Variants in GNG4 observed in about 807,000 individuals in gnomAD.
GNG4 encodes the protein G protein subunit gamma 4.
Under a neutral mutation model 5.8 loss-of-function variants are expected in GNG4, and 4 were observed. That is an observed-to-expected ratio of 0.69 (90% CI 0.34 to 1.57). GNG4 has a LOEUF of 1.57. Ranked by LOEUF, GNG4 falls within the 40% of genes most tolerant of loss-of-function variation. The pLI, the probability that GNG4 is intolerant of heterozygous loss-of-function variation, is 0.06. For synonymous variants in GNG4, 29 were observed against 32.9 expected, an observed-to-expected ratio of 0.88 and a Z score of 0.41; for missense variants, 96 against 95.1, an observed-to-expected ratio of 1.01 and a Z score of -0.04.
intron 3 of GNG4, among the ~76,000 whole-genome samples, chr1:235,563,710 TTCTG>T (rs1352829000): frequency 6.6e-6 from 1 of 152,222 alleles, no homozygotes; most frequent in Non-Finnish European, 1.5e-5. Context: ...GTGACTTTGT[TTCTG>T]TCTATCTGAC....
chr1:235,620,090 G>A (rs554961387), intron 1 of GNG4, among the ~76,000 whole-genome samples: 15 of 152,216 alleles, frequency 9.9e-5, no homozygotes, highest in African/African-American at 2.7e-4. Context: ...GAGGTTGGGC[G>A]TGGTGGCTCA....
rs1418367480 is a variant in GNG4, at chr1:235,644,782, G to A, written c.-123+4880C>T. 6.6e-6 allele frequency among the ~76,000 whole-genome samples: 1 copy of A among 152,246 alleles called. No individual in the cohort carries two copies. Among genetic ancestry groups the A allele is most frequent in the Non-Finnish European group, 1.5e-5 (1 of 68,032 alleles). On this transcript the variant is annotated intron_variant, in intron 1 of 3. Transcript: ENST00000391854. This position sits in a 1 kb window ranked among gnomAD's most constrained non-coding sequence, Gnocchi z 5.9. ...TGCTGGAAATTTCCATCCAGGGTCTGTGCAGGGCGGGTACCCCAGAGCCGC... is the reference window on the plus strand; with the variant it reads ...TGCTGGAAATTTCCATCCAGGGTCTATGCAGGGCGGGTACCCCAGAGCCGC...
chr1:235,587,992 C>T (rs1687865620), intron 2 of GNG4, among the ~76,000 whole-genome samples: 1 of 151,672 alleles, frequency 6.6e-6, no homozygotes, highest in Admixed American at 6.6e-5. Flanking sequence ...GCTAACGTTA[C>T]CGGGGAAAGC....
At chr1:235,605,102 C>T (rs1688331461) in intron 1 of GNG4, among the ~76,000 whole-genome samples, 1 of 152,064 alleles carries the variant, frequency 6.6e-6, no homozygotes, top group Non-Finnish European at 1.5e-5. Context: ...AGGTGAGAAC[C>T]CCATATCATT....
chr1:235,623,371 C>T (rs974906388), intron 1 of GNG4, among the ~76,000 whole-genome samples: 1 of 152,186 alleles, frequency 6.6e-6, no homozygotes, highest in African/African-American at 2.4e-5. Flanking sequence ...CTCTTGGGCC[C>T]ACTCAGGTCA....
In GNG4 at chr1:235,550,260, C is replaced by T. The variant is rs1686705863; in HGVS notation, c.*1849G>A. The T allele has an allele frequency of 1.3e-5, 2 of 152,312 alleles. No individual in the cohort carries two copies. Among genetic ancestry groups the T allele is most frequent in the South Asian group, 2.1e-4 (1 of 4,826 alleles). 9.4% of individuals were successfully genotyped at this position (152,312 alleles called of 1,614,324 possible). ...TTAAACTACCAGAATACGGCTTCCTCCTGGAGAATGTGGGAAGTGAAGTGT... is the reference window on the plus strand; with the variant it reads ...TTAAACTACCAGAATACGGCTTCCTTCTGGAGAATGTGGGAAGTGAAGTGT... On this transcript the variant is annotated 3_prime_UTR_variant, in exon 4 of 4. Transcript: ENST00000391854.
intron 1 of GNG4, among the ~76,000 whole-genome samples, chr1:235,634,934 C>CA (rs1689004157): frequency 7.4e-6 from 1 of 135,990 alleles, no homozygotes; most frequent in South Asian, 2.3e-4. Flanking sequence ...AACTCTGTCT[C>CA]AAAAAACAAA....
At chr1:235,554,189 CG>C (rs753348232) in intron 3 of GNG4, among the ~76,000 whole-genome samples, 196 of 152,266 alleles carry the variant, frequency 1.3e-3, no homozygotes, top group South Asian at 2.3e-3. Context: ...AACTCAAAGC[CG>C]GTGGACTTGG....
chr1:235,627,109 G>C (rs1329040741), intron 1 of GNG4, among the ~76,000 whole-genome samples: 1 of 151,828 alleles, frequency 6.6e-6, no homozygotes, highest in Non-Finnish European at 1.5e-5. Context: ...GGGAGGCTCT[G>C]TCACTTGGCA....
At chr1:235,606,582 G>A (rs1370723710) in intron 1 of GNG4, among the ~76,000 whole-genome samples, 2 of 152,106 alleles carry the variant, frequency 1.3e-5, no homozygotes, top group East Asian at 1.9e-4. Context: ...TGTTCCGCAC[G>A]CTTAGGAAAA....
chr1:235,638,419 C>T lies in GNG4; in HGVS notation c.-123+11243G>A, dbSNP rs556918147. ...GTGGGTGGAAGCTCTGGGGAGAGTTCGTATTTCTGCCTTTTCCAGTGTCTA... is the reference window on the plus strand; with the variant it reads ...GTGGGTGGAAGCTCTGGGGAGAGTTTGTATTTCTGCCTTTTCCAGTGTCTA... On this transcript the variant is annotated intron_variant, in intron 1 of 3. Coordinates refer to ENST00000391854, the MANE Select transcript of GNG4 (RefSeq NM_001098722.2). Among the ~76,000 whole-genome samples, 231 of 151,714 alleles carry T rather than the reference C, an allele frequency of 1.5e-3. 1 individual carries two copies. The highest frequency in any genetic ancestry group is 5.4e-3 in the African/African-American group (222 of 41,310).
At chr1:235,640,054 G>A (rs1035220409) in intron 1 of GNG4, among the ~76,000 whole-genome samples, 2 of 152,268 alleles carry the variant, frequency 1.3e-5, no homozygotes, top group South Asian at 4.2e-4. Flanking sequence ...CTTGTGCTCT[G>A]ACAGAGGCAG....
intron 1 of GNG4, chr1:235,615,562 C>A (rs2102972152): frequency 5.2e-6 from 1 of 191,858 alleles, no homozygotes; most frequent in Non-Finnish European, 1.2e-5. Flanking sequence ...GCTCTCCTAG[C>A]TCATTCCTGG....
intron 2 of GNG4, among the ~76,000 whole-genome samples, chr1:235,593,014 T>C (rs1688016694): frequency 6.6e-6 from 1 of 151,314 alleles, no homozygotes; most frequent in South Asian, 2.1e-4. Context: ...AGTGGTGCAA[T>C]CTCTGCTCAC....
intron 1 of GNG4, among the ~76,000 whole-genome samples, chr1:235,636,845 C>T (rs1689048834): frequency 3.9e-5 from 6 of 152,076 alleles, no homozygotes. Context: ...CCCTGCTACC[C>T]CAGCTGCTAC....
chr1:235,579,427 T>G (rs1687569189), intron 3 of GNG4, among the ~76,000 whole-genome samples: 1 of 139,488 alleles, frequency 7.2e-6, no homozygotes, highest in African/African-American at 2.8e-5. Context: ...AAAAAGTAAA[T>G]ACATTAATAA....
At chr1:235,565,807 C>T (rs1687179166) in intron 3 of GNG4, 1 of 152,198 alleles carries the variant, frequency 6.6e-6, no homozygotes, top group South Asian at 2.1e-4. Flanking sequence ...AGGCAGTAGA[C>T]TGCCCAGTCG....
chr1:235,650,328 G>C (rs939617249), upstream of GNG4, among the ~76,000 whole-genome samples: 48 of 150,362 alleles, frequency 3.2e-4, no homozygotes, highest in African/African-American at 1.1e-3. Flanking sequence ...GGGCCGGGGG[G>C]GAAATCACCG....
upstream of GNG4, among the ~76,000 whole-genome samples, chr1:235,650,384 G>T (rs1188503722): frequency 6.6e-6 from 1 of 151,640 alleles, no homozygotes; most frequent in Non-Finnish European, 1.5e-5. Context: ...GTCTGGGGAC[G>T]GGGCCGCGGT....
Sources: allele counts gnomAD v4.1 joint callset (sites outside exome capture counted in the v4.1 genomes callset), GRCh38; gene constraint gnomAD v4.1.1; non-coding constraint Gnocchi (gnomAD v3.1); transcripts MANE v1.5; gene names NCBI Gene and HGNC (gene_info 2026-07-23, HGNC 2026-07-21).